ADAMTSL1: variants seen among roughly 807,000 people sequenced by gnomAD.
The protein encoded by ADAMTSL1 is ADAMTS like 1.
ADAMTSL1 carries 126 observed loss-of-function variants against 201.8 expected under a neutral mutation model. The observed-to-expected ratio is 0.62, with a 90% CI of 0.54 to 0.72. The LOEUF (loss-of-function observed/expected upper bound fraction) is 0.72, where lower values mean the gene tolerates loss of function less well. Among genes scored for constraint, ADAMTSL1 ranks in the 30% least tolerant of loss-of-function variants. The probability of loss-of-function intolerance (pLI) is 0.00; values close to 1 mark genes in which losing one functional copy is unlikely to be tolerated. For missense variants in ADAMTSL1, 2,679 were observed against 2,277.8 expected (o/e 1.18, Z -3.59); for synonymous variants, 1,121 against 903.4 (o/e 1.24, Z -4.32).
chr9:18,158,648 T>G lies in ADAMTSL1; in HGVS notation c.88-5214T>G, dbSNP rs150992006. 8.8e-4 allele frequency among the ~76,000 whole-genome samples: 134 copies of G among 152,212 alleles called. 2 individuals carry two copies. The East Asian group carries it at 0.018, about 21-fold the overall frequency. On this transcript the variant is annotated intron_variant, in intron 1 of 29. Coordinates refer to the ADAMTSL1 transcript ENST00000680146. ...GACCATTCAACATCTTTAATAAAGTTGAATATATCTATTTTCATTTTTATT... is the reference window on the plus strand; with the variant it reads ...GACCATTCAACATCTTTAATAAAGTGGAATATATCTATTTTCATTTTTATT...
intron 2 of ADAMTSL1, among the ~76,000 whole-genome samples, chr9:18,238,539 G>C (rs1221536141): frequency 6.6e-6 from 1 of 152,154 alleles, no homozygotes; most frequent in African/African-American, 2.4e-5. Context: ...GTAAAATGAA[G>C]CTAGAATGGC....
chr9:18,274,485 A>G (rs766763428), intron 2 of ADAMTSL1, among the ~76,000 whole-genome samples: 13 of 152,200 alleles, frequency 8.5e-5, no homozygotes, highest in Non-Finnish European at 1.9e-4. Flanking sequence ...AGTAGTTTGA[A>G]AAGAAATCTG....
At chr9:18,535,051 T>A (rs1819674597) in intron 3 of ADAMTSL1, among the ~76,000 whole-genome samples, 1 of 152,176 alleles carries the variant, frequency 6.6e-6, no homozygotes, top group Non-Finnish European at 1.5e-5. Flanking sequence ...TGTGCAAATT[T>A]TTGCAGCAGG....
intron 1 of ADAMTSL1, among the ~76,000 whole-genome samples, chr9:17,939,339 T>C (rs1343401008): frequency 6.6e-6 from 1 of 151,954 alleles, no homozygotes; most frequent in Non-Finnish European, 1.5e-5. Context: ...TAGTGTCCAG[T>C]TGGATTTTTT....
chr9:17,986,428 ACC>A (rs1818932434), intron 1 of ADAMTSL1, among the ~76,000 whole-genome samples: 1 of 152,010 alleles, frequency 6.6e-6, no homozygotes, highest in Admixed American at 6.6e-5. Context: ...CTGAGTATGT[ACC>A]CAAGGAGAAA....
chr9:17,939,783 A>C (rs1316609684), intron 1 of ADAMTSL1, among the ~76,000 whole-genome samples: 1 of 152,188 alleles, frequency 6.6e-6, no homozygotes, highest in Non-Finnish European at 1.5e-5. Context: ...GTTCTTGCAA[A>C]GTACATAATC....
intron 2 of ADAMTSL1, among the ~76,000 whole-genome samples, chr9:18,509,228 A>G (rs1208282463): frequency 1.4e-5 from 2 of 142,060 alleles, no homozygotes; most frequent in East Asian, 2.1e-4. Flanking sequence ...AAAAAAAAAA[A>G]AAAAGAAATA....
chr9:18,583,292 T>C (rs1309206644), intron 4 of ADAMTSL1, among the ~76,000 whole-genome samples: 1 of 152,150 alleles, frequency 6.6e-6, no homozygotes, highest in Non-Finnish European at 1.5e-5. Flanking sequence ...GGGGTCAAGG[T>C]AGGGCTCGGG....
At chr9:18,545,508 A>G (rs1820417786) in intron 3 of ADAMTSL1, among the ~76,000 whole-genome samples, 1 of 152,204 alleles carries the variant, frequency 6.6e-6, no homozygotes, top group Non-Finnish European at 1.5e-5. Context: ...TATAGCAATT[A>G]TAATTCTTCA....
At chr9:18,473,084 G>A (rs1821280815), upstream of ADAMTSL1, among the ~76,000 whole-genome samples, 2 of 152,142 alleles carry the variant, frequency 1.3e-5, no homozygotes, top group African/African-American at 4.8e-5. Context: ...GGCTGGACTG[G>A]CCTCCAAGGT....
intron 3 of ADAMTSL1, among the ~76,000 whole-genome samples, chr9:18,557,140 G>A (rs564934759): frequency 7.9e-5 from 12 of 152,018 alleles, no homozygotes; most frequent in African/African-American, 2.9e-4. Context: ...GTCTTCACTG[G>A]TATCATGAAA....
intron 1 of ADAMTSL1, among the ~76,000 whole-genome samples, chr9:18,091,191 C>G (rs1824004324): frequency 6.6e-6 from 1 of 151,972 alleles, no homozygotes. Context: ...TTCTTGGTAT[C>G]ACTGACACAA....
At chr9:18,219,326 A>G (rs765331464) in intron 2 of ADAMTSL1, among the ~76,000 whole-genome samples, 2 of 150,326 alleles carry the variant, frequency 1.3e-5, no homozygotes, top group Non-Finnish European at 3.0e-5. Flanking sequence ...TGAATCCAAT[A>G]TATATTTACA....
At chr9:18,416,700 T>C (rs1213117172) in intron 2 of ADAMTSL1, among the ~76,000 whole-genome samples, 1 of 152,042 alleles carries the variant, frequency 6.6e-6, no homozygotes, top group East Asian at 1.9e-4. Context: ...TTTTTAATGA[T>C]AGAGGAGTCA....
At chr9:18,570,178 G>A (rs367874029) in intron 3 of ADAMTSL1, among the ~76,000 whole-genome samples, 3 of 150,690 alleles carry the variant, frequency 2.0e-5, no homozygotes, top group Non-Finnish European at 4.4e-5. Context: ...GAGCAACTTC[G>A]AGACTTGCCT....
rs575603555 is a variant in ADAMTSL1 at position 18,323,391 on chromosome 9, C to T, written c.207+159410C>T. Reference sequence around the variant, plus strand: ...TAGAAAGAGAAGGAACTTTTTAAATCGGATAGACAGCATATAAGAAACCTA... The same window carrying T: ...TAGAAAGAGAAGGAACTTTTTAAATTGGATAGACAGCATATAAGAAACCTA... On this transcript the variant is annotated intron_variant, in intron 2 of 29. Coordinates refer to the ADAMTSL1 transcript ENST00000680146. Among the ~76,000 whole-genome samples, 157 of 152,060 alleles carry T rather than the reference C, an allele frequency of 1.0e-3. 1 individual carries two copies. Among genetic ancestry groups the T allele is most frequent in the Non-Finnish European group, 1.7e-3 (117 of 67,988 alleles).
At chr9:18,537,187 A>T (rs1819830208) in intron 3 of ADAMTSL1, among the ~76,000 whole-genome samples, 1 of 152,228 alleles carries the variant, frequency 6.6e-6, no homozygotes, top group South Asian at 2.1e-4. Context: ...ATTCTAATGG[A>T]GAAAAAGAGA....
chr9:18,582,067 A>G (rs7875881), intron 4 of ADAMTSL1, among the ~76,000 whole-genome samples: 33,764 of 152,114 alleles, frequency 0.22, 3,860 homozygotes, highest in South Asian at 0.3. Flanking sequence ...GGGGTCCTCT[A>G]CAGTTCTTTT....
At chr9:18,029,652 A>G (rs1820853422) in intron 1 of ADAMTSL1, among the ~76,000 whole-genome samples, 1 of 151,896 alleles carries the variant, frequency 6.6e-6, no homozygotes, top group Non-Finnish European at 1.5e-5. Flanking sequence ...TACTCATCTG[A>G]CAAAGGGCTA....
Sources: allele counts gnomAD v4.1 joint callset (sites outside exome capture counted in the v4.1 genomes callset), GRCh38; gene constraint gnomAD v4.1.1; transcripts MANE v1.5; gene names NCBI Gene and HGNC (gene_info 2026-07-23, HGNC 2026-07-21).